The following THEMIS variants were observed in gnomAD, a reference collection of about 807,000 sequenced individuals.
The protein encoded by THEMIS is thymocyte selection associated, also known as protein THEMIS.
THEMIS carries 37 observed loss-of-function variants against 52.6 expected under a neutral mutation model. The observed-to-expected ratio is 0.70, with a 90% CI of 0.54 to 0.93. THEMIS has a LOEUF of 0.93. THEMIS is among the 40% of genes least tolerant of loss of function. The pLI, the probability that THEMIS is intolerant of heterozygous loss-of-function variation, is 0.00. For synonymous variants in THEMIS, 292 were observed against 272.7 expected (o/e 1.07, Z -0.70); for missense variants, 808 against 763.1 (o/e 1.06, Z -0.69).
At chr6:127,837,433 C>A (rs1010870544) in intron 2 of THEMIS, among the ~76,000 whole-genome samples, 1 of 152,020 alleles carries the variant, frequency 6.6e-6, no homozygotes, top group Non-Finnish European at 1.5e-5. Flanking sequence ...GTAAGCTAAT[C>A]TCCTCATTTA....
At chr6:127,794,396 A>C (rs1183849551) in intron 4 of THEMIS, among the ~76,000 whole-genome samples, 1 of 152,138 alleles carries the variant, frequency 6.6e-6, no homozygotes, top group East Asian at 1.9e-4. Flanking sequence ...TACTACAACA[A>C]CCTCAAGGAC....
intron 3 of THEMIS, among the ~76,000 whole-genome samples, chr6:127,818,307 C>T (rs72971396): frequency 3.9e-5 from 6 of 152,116 alleles, no homozygotes; most frequent in Admixed American, 3.9e-4. Flanking sequence ...GAAATCCCCC[C>T]TCCATAACAT....
chr6:127,798,461 G>A (rs970799446), intron 4 of THEMIS, among the ~76,000 whole-genome samples: 1 of 152,006 alleles, frequency 6.6e-6, no homozygotes, highest in African/African-American at 2.4e-5. Context: ...GGATGGTTTC[G>A]AATTCTAGCT....
chr6:127,756,024 C>A (rs939613473), intron 4 of THEMIS, among the ~76,000 whole-genome samples: 1 of 149,490 alleles, frequency 6.7e-6, no homozygotes. Context: ...GAGACTCCAT[C>A]TCAAAAAAAA....
intron 1 of THEMIS, among the ~76,000 whole-genome samples, chr6:127,873,404 A>G (rs943441262): frequency 1.3e-5 from 2 of 152,202 alleles, no homozygotes; most frequent in Non-Finnish European, 2.9e-5. Context: ...TTATTTAACT[A>G]CAGTAATCAG....
chr6:127,727,825 C>T (rs756548752), intron 4 of THEMIS, among the ~76,000 whole-genome samples: 2 of 152,096 alleles, frequency 1.3e-5, no homozygotes, highest in Non-Finnish European at 2.9e-5. Context: ...TCCTTGGAGC[C>T]TGCTTTCTAT....
At chr6:127,725,517 TAGA>T (rs944675244) in intron 4 of THEMIS, among the ~76,000 whole-genome samples, 2 of 152,166 alleles carry the variant, frequency 1.3e-5, no homozygotes, top group Non-Finnish European at 2.9e-5. Flanking sequence ...ATAAATAATT[TAGA>T]AGATGATCAA....
At chr6:127,903,381 G>A (rs1583413977), upstream of THEMIS, among the ~76,000 whole-genome samples, 1 of 151,926 alleles carries the variant, frequency 6.6e-6, no homozygotes, top group East Asian at 1.9e-4. Context: ...CATGTTATAG[G>A]TGTAATAATA....
intron 1 of THEMIS, among the ~76,000 whole-genome samples, chr6:127,857,130 A>G (rs1001565752): frequency 6.6e-6 from 1 of 152,036 alleles, no homozygotes; most frequent in African/African-American, 2.4e-5. Context: ...GATAAAATGC[A>G]TTATTCATTC....
chr6:127,763,471 C>T (rs949508726), intron 4 of THEMIS, among the ~76,000 whole-genome samples: 4 of 151,832 alleles, frequency 2.6e-5, no homozygotes, highest in Admixed American at 6.6e-5. Context: ...TAGACTTCTG[C>T]GTAACAAAGT....
At chr6:127,873,124 G>A (rs1404276214) in intron 1 of THEMIS, among the ~76,000 whole-genome samples, 1 of 152,154 alleles carries the variant, frequency 6.6e-6, no homozygotes, top group Non-Finnish European at 1.5e-5. Flanking sequence ...AAAAGATGTT[G>A]ATGTGAGAAA....
chr6:127,800,760 A>C (rs1334912581), intron 4 of THEMIS, among the ~76,000 whole-genome samples: 2 of 152,180 alleles, frequency 1.3e-5, no homozygotes, highest in Non-Finnish European at 2.9e-5. Context: ...CCCAGCCTAC[A>C]TCTTTCTCCT....
At chr6:127,736,994 T>C (rs1411826103) in intron 4 of THEMIS, among the ~76,000 whole-genome samples, 2 of 152,186 alleles carry the variant, frequency 1.3e-5, no homozygotes, top group East Asian at 3.8e-4. Context: ...ATTTGATGCC[T>C]GTAGTGTTTG....
intron 1 of THEMIS, among the ~76,000 whole-genome samples, chr6:127,868,932 T>C (rs774614706): frequency 2.6e-5 from 4 of 152,214 alleles, no homozygotes; most frequent in Non-Finnish European, 5.9e-5. Flanking sequence ...GTACTACTGA[T>C]ATATTGGTGA....
intron 4 of THEMIS, among the ~76,000 whole-genome samples, chr6:127,768,141 C>T (rs1776261243): frequency 6.6e-6 from 1 of 152,190 alleles, no homozygotes; most frequent in African/African-American, 2.4e-5. Flanking sequence ...ACACAATTTA[C>T]ATCTGAGGCT....
At chr6:127,700,324 T>C in the THEMIS span, among the ~76,000 whole-genome samples, 2 of 151,768 alleles carry the variant, frequency 1.3e-5, no homozygotes, top group Admixed American at 6.6e-5. Flanking sequence ...TATCTTTCCA[T>C]GAATTGGAAA....
At chr6:127,865,699 T>C (rs1376349765) in intron 1 of THEMIS, among the ~76,000 whole-genome samples, 2 of 152,174 alleles carry the variant, frequency 1.3e-5, no homozygotes, top group East Asian at 1.9e-4. Flanking sequence ...GTAATTGATC[T>C]ATGCCTTGTA....
At chr6:127,832,404 A>G (rs185174401) in intron 2 of THEMIS, among the ~76,000 whole-genome samples, 284 of 152,254 alleles carry the variant, frequency 1.9e-3, no homozygotes, top group Non-Finnish European at 2.9e-3. Context: ...TTCATATACT[A>G]TTGCAGCCAA....
At chr6:127,884,948 A>G (rs964332112) in intron 1 of THEMIS, among the ~76,000 whole-genome samples, 1 of 151,992 alleles carries the variant, frequency 6.6e-6, no homozygotes, top group African/African-American at 2.4e-5. Flanking sequence ...AGCTTTCTGT[A>G]TCTCTTCTTA....
Sources: gnomAD v4.1 joint callset for allele counts (sites outside exome capture counted in the v4.1 genomes callset) on GRCh38, gnomAD v4.1.1 for gene constraint, MANE v1.5 for transcripts, NCBI Gene and HGNC (gene_info 2026-07-23, HGNC 2026-07-21) for gene names.